The following MACF1 variants were observed in gnomAD, a reference collection of about 807,000 sequenced individuals.
The protein encoded by MACF1 is microtubule-actin cross-linking factor 1.
MACF1 carries 193 observed loss-of-function variants against 854.8 expected under a neutral mutation model. The observed-to-expected ratio is 0.23, with a 90% CI of 0.20 to 0.25. The LOEUF (loss-of-function observed/expected upper bound fraction) is 0.25. MACF1 is among the 10% of genes least tolerant of loss of function. MACF1 has a pLI of 1.00. For missense variants in MACF1, 7,722 were observed against 8,929.1 expected, an observed-to-expected ratio of 0.86 and a Z score of 5.45; for synonymous variants, 3,185 against 3,226.7, an observed-to-expected ratio of 0.99 and a Z score of 0.44.
At position 39,447,591 on chromosome 1, in the gene MACF1, A is replaced by T; in HGVS notation, c.19761+4A>T. The stretch of plus-strand genomic sequence containing the variant: ...TTCCCAGATAGAAGAGCACAAGGTA[A>T]GTATGATATTATGATGCTGCATTCT... On this transcript the variant is annotated splice_donor_region_variant and intron_variant, in intron 81 of 100. Transcript: ENST00000564288. 1 of 1,614,188 alleles carries T rather than the reference A, an allele frequency of 6.2e-7. No individual in the cohort carries two copies. The highest frequency in any genetic ancestry group is 8.5e-7 in the Non-Finnish European group (1 of 1,180,006).
intron 51 of MACF1, among the ~76,000 whole-genome samples, chr1:39,370,449 G>T (rs1453379839): frequency 6.6e-6 from 1 of 152,162 alleles, no homozygotes; most frequent in African/African-American, 2.4e-5. Context: ...ATTGAGGATA[G>T]AAGAACTAGT....
intron 2 of MACF1, among the ~76,000 whole-genome samples, chr1:39,188,848 C>T (rs561860599): frequency 6.6e-6 from 1 of 152,218 alleles, no homozygotes; most frequent in African/African-American, 2.4e-5. Context: ...AGGTGATCCA[C>T]CTGTTTCTGC....
At chr1:39,130,357 G>T (rs752111247) in intron 2 of MACF1, among the ~76,000 whole-genome samples, 1 of 152,214 alleles carries the variant, frequency 6.6e-6, no homozygotes, top group Admixed American at 6.5e-5. Flanking sequence ...AATACTAAAT[G>T]ACCTTTTGTA....
chr1:39,103,169 T>A, intron 2 of MACF1: 2 of 390,112 alleles, frequency 5.1e-6, no homozygotes, highest in Non-Finnish European at 9.8e-6. Flanking sequence ...CCCCTTGCCT[T>A]CTCCCTGCAA....
At chr1:39,426,508 A>C (rs1027911395) in intron 61 of MACF1, among the ~76,000 whole-genome samples, 1 of 152,202 alleles carries the variant, frequency 6.6e-6, no homozygotes, top group African/African-American at 2.4e-5. Flanking sequence ...GCATGCTAAT[A>C]CAGTTCTGTG....
At chr1:39,414,139 G>A (rs956907735) in intron 58 of MACF1, 10 of 1,609,760 alleles carry the variant, frequency 6.2e-6, no homozygotes, top group Admixed American at 1.7e-5. Flanking sequence ...CAACCTAGAG[G>A]AGCCCGCCTC....
chr1:39,265,057 C>G (rs60645464), intron 6 of MACF1, among the ~76,000 whole-genome samples: 3,665 of 152,338 alleles, frequency 0.024, 109 homozygotes, highest in East Asian at 0.16. Flanking sequence ...ATACTATAAA[C>G]TCTTTATAGG....
intron 1 of MACF1, among the ~76,000 whole-genome samples, chr1:39,219,661 A>G (rs1156369134): frequency 6.6e-6 from 1 of 152,226 alleles, no homozygotes; most frequent in African/African-American, 2.4e-5. Flanking sequence ...TAAGTGGTTC[A>G]AAATCCCCAG....
At chr1:39,112,245 C>A (rs1001425030) in intron 2 of MACF1, among the ~76,000 whole-genome samples, 1 of 151,452 alleles carries the variant, frequency 6.6e-6, no homozygotes, top group Non-Finnish European at 1.5e-5. Context: ...TGCCACCACG[C>A]CCAGCTAATT....
At chr1:39,326,677 T>A (rs569968164) in intron 35 of MACF1, among the ~76,000 whole-genome samples, 21 of 30,376 alleles carry the variant, frequency 6.9e-4, no homozygotes, top group African/African-American at 2.6e-3. Context: ...CGAGACTCCA[T>A]CTCAAAAAAA....
chr1:39,138,403 GA>G (rs1356204002), intron 2 of MACF1, among the ~76,000 whole-genome samples: 1 of 149,606 alleles, frequency 6.7e-6, no homozygotes, highest in Non-Finnish European at 1.5e-5. Flanking sequence ...CTAACATGGT[GA>G]AAACCTGTCT....
At chr1:39,432,906 C>A in intron 67 of MACF1, 142 bp from the exon 68 acceptor site, 1 of 616,792 alleles carries the variant, frequency 1.6e-6, no homozygotes, top group Non-Finnish European at 2.7e-6. Flanking sequence ...AAAAGATAAG[C>A]TAGAGAAGAT....
intron 2 of MACF1, among the ~76,000 whole-genome samples, chr1:39,114,030 C>T (rs574091526): frequency 3.9e-4 from 51 of 131,552 alleles, no homozygotes; most frequent in South Asian, 3.0e-3. Context: ...AGTGAGACTC[C>T]GTCTTAAAAA....
At chr1:39,351,052 A>G (rs1330561636) in intron 43 of MACF1, 34 bp downstream of exon 43, 2 of 1,530,508 alleles carry the variant, frequency 1.3e-6, no homozygotes, top group East Asian at 2.3e-5. Context: ...ATATTTTTCA[A>G]AAAAGAAAAT....
chr1:39,316,292 GTTA>G, intron 27 of MACF1, 96 bp from the exon 28 acceptor site: 1 of 934,114 alleles, frequency 1.1e-6, no homozygotes, highest in Non-Finnish European at 1.5e-6. Context: ...ATTGATTTTG[GTTA>G]TTATGTTTTA....
intron 60 of MACF1, 42 bp downstream of exon 60, chr1:39,422,942 G>C: frequency 2.5e-6 from 4 of 1,573,538 alleles, no homozygotes; most frequent in Non-Finnish European, 3.5e-6. Flanking sequence ...ACAGCCGTAG[G>C]GAGTAGTAGA....
At chr1:39,307,505 C>A (rs1220714217) in intron 23 of MACF1, among the ~76,000 whole-genome samples, 1 of 152,090 alleles carries the variant, frequency 6.6e-6, no homozygotes, top group South Asian at 2.1e-4. Flanking sequence ...TTTTTGCATT[C>A]ATTATGCTAA....
chr1:39,379,369 A>G lies in MACF1; in HGVS notation c.13443A>G (p.Glu4481=). 2 of 1,614,156 alleles carry G rather than the reference A, an allele frequency of 1.2e-6. No homozygotes were observed. Among genetic ancestry groups the G allele is most frequent in the Non-Finnish European group, 1.7e-6 (2 of 1,180,010 alleles). ...TGCAGTGGCTGGAATCAAAAGAGGAAGTCCTGAAATCCATGGATGCCATGT... is the reference window on the plus strand; with the variant it reads ...TGCAGTGGCTGGAATCAAAAGAGGAGGTCCTGAAATCCATGGATGCCATGT... The part of the protein sequence containing the change: ...SVLQWLESKE[E]VLKSMDAMSS... The change falls in exon 54 of 101, where the codon GAA becomes GAG. Residue 4481 remains glutamate (E), a synonymous_variant. Transcript: ENST00000564288.
chr1:39,452,396 G>T, intron 86 of MACF1, 46 bp downstream of exon 86: 3 of 1,542,260 alleles, frequency 1.9e-6, no homozygotes, highest in Non-Finnish European at 1.8e-6. Flanking sequence ...ATCTGAGTGG[G>T]TTTATTTGGT....
Sources: gnomAD v4.1 joint callset for allele counts (sites outside exome capture counted in the v4.1 genomes callset) on GRCh38, gnomAD v4.1.1 for gene constraint, MANE v1.5 for transcripts, NCBI Gene and HGNC (gene_info 2026-07-23, HGNC 2026-07-21) for gene names.